FBLIM1: variants seen among roughly 807,000 people sequenced by gnomAD.
FBLIM1 encodes filamin-binding LIM protein 1.
Under a neutral mutation model 37.4 loss-of-function variants are expected in FBLIM1, and 29 were observed. The ratio of observed to expected loss-of-function variants is 0.77; its 90% CI spans 0.58 to 1.06. FBLIM1 has a LOEUF of 1.06. Among genes scored for constraint, FBLIM1 ranks in the 50% least tolerant of loss-of-function variants. The pLI is 0.00. For missense variants in FBLIM1, 449 were observed against 505.6 expected, an observed-to-expected ratio of 0.89 and a Z score of 1.07; for synonymous variants, 193 against 199.0, an observed-to-expected ratio of 0.97 and a Z score of 0.25.
At chr1:15,781,626 C>G (rs1388599827) in intron 8 of FBLIM1, among the ~76,000 whole-genome samples, 1 of 151,752 alleles carries the variant, frequency 6.6e-6, no homozygotes, top group Non-Finnish European at 1.5e-5. Context: ...ACTGCCCACA[C>G]CCACATCTCA....
At chr1:15,759,469 C>A (rs1203976839) in intron 1 of FBLIM1, among the ~76,000 whole-genome samples, 1 of 152,150 alleles carries the variant, frequency 6.6e-6, no homozygotes, top group Non-Finnish European at 1.5e-5. Context: ...CCTGAGGACC[C>A]CGGGGAGAGG....
At chr1:15,782,535 C>G (rs923560219) in intron 8 of FBLIM1, among the ~76,000 whole-genome samples, 1 of 151,994 alleles carries the variant, frequency 6.6e-6, no homozygotes, top group Admixed American at 6.6e-5. Flanking sequence ...GGTTGTGAGA[C>G]TTGGTGGTAG....
chr1:15,767,892 G>A (rs1190137851), intron 4 of FBLIM1, among the ~76,000 whole-genome samples: 1 of 151,958 alleles, frequency 6.6e-6, no homozygotes, highest in Non-Finnish European at 1.5e-5. Context: ...TTGTTTGTTT[G>A]TTTGTTTTTG....
At chr1:15,773,894 G>A (rs1364046744) in intron 6 of FBLIM1, among the ~76,000 whole-genome samples, 1 of 152,100 alleles carries the variant, frequency 6.6e-6, no homozygotes, top group East Asian at 1.9e-4. Context: ...TGTAATCCCA[G>A]CACTTTGGGA....
Position 15,786,324 on chromosome 1 carries a change from C to G in FBLIM1, c.*1663C>G. On this transcript the variant is annotated 3_prime_UTR_variant, in exon 9 of 9. Transcript: ENST00000375766. Reference sequence around the variant, plus strand: ...CACTGGGCAGGCTTCTCTGTAGAACCCCAGGGGCTTCGGCCCAGACCACAG... The same window carrying G: ...CACTGGGCAGGCTTCTCTGTAGAACGCCAGGGGCTTCGGCCCAGACCACAG... The G allele has an allele frequency of 6.6e-6, 1 of 152,130 alleles. No individual in the cohort carries two copies. Among genetic ancestry groups the G allele is most frequent in the Non-Finnish European group, 1.5e-5 (1 of 68,028 alleles). 9.4% of individuals were successfully genotyped at this position (152,130 alleles called of 1,614,324 possible).
At chr1:15,777,409 G>A in intron 8 of FBLIM1, 122 bp downstream of exon 8, 2 of 615,914 alleles carry the variant, frequency 3.2e-6, no homozygotes, top group Non-Finnish European at 5.7e-6. Context: ...TCATTGTCTA[G>A]TAGGAGAAAC....
chr1:15,765,076 G>A lies in FBLIM1; in HGVS notation c.93G>A (p.Arg31=), dbSNP rs763935863. 5.0e-5 allele frequency: 81 copies of A among 1,613,964 alleles called. 1 individual carries two copies. Among genetic ancestry groups the A allele is most frequent in the Non-Finnish European group, 5.1e-6 (6 of 1,180,000 alleles). Reference sequence around the variant, plus strand: ...ATGTGGCCGTGGCGGAGGAAGTGAGGCAGGCAGTTTGTGAGGCCCGGCGTG... The same window carrying A: ...ATGTGGCCGTGGCGGAGGAAGTGAGACAGGCAGTTTGTGAGGCCCGGCGTG... ...RRDVAVAEEV[R]QAVCEARRGR... The change falls in exon 3 of 9, where the codon AGG becomes AGA. Residue 31 remains arginine (R), a synonymous_variant. Transcript: ENST00000375766. The surrounding 1 kb of genome is among the most constrained non-coding windows in gnomAD (Gnocchi z 5.9).
chr1:15,759,111 G>A (rs1289410711), intron 1 of FBLIM1, among the ~76,000 whole-genome samples: 1 of 152,028 alleles, frequency 6.6e-6, no homozygotes, highest in African/African-American at 2.4e-5. Flanking sequence ...CCGAGTCCCA[G>A]CCCGGGAGCG....
upstream of FBLIM1, chr1:15,758,295 T>A (rs1043290431): frequency 2.0e-5 from 3 of 152,024 alleles, no homozygotes. The surrounding 1 kb of genome is among the most constrained non-coding windows in gnomAD (Gnocchi z 6.2). Flanking sequence ...CCCTGGTCGG[T>A]TTGACGCAAG....
intron 8 of FBLIM1, among the ~76,000 whole-genome samples, chr1:15,780,617 C>T (rs1365536461): frequency 6.6e-6 from 1 of 152,192 alleles, no homozygotes; most frequent in Non-Finnish European, 1.5e-5. Flanking sequence ...ACAGCTGGCT[C>T]CTTGTCACTG....
At chr1:15,782,617 GTGCCAAACAGGTGGCACAGATGGTGCAGT>G (rs2069671855) in intron 8 of FBLIM1, among the ~76,000 whole-genome samples, 1 of 152,018 alleles carries the variant, frequency 6.6e-6, no homozygotes, top group Non-Finnish European at 1.5e-5. Context: ...TGTTCTTACA[GTGCCAAACAGGTGGCACAGATGGTGCAGT>G]TGTATAGCCC....
intron 5 of FBLIM1, among the ~76,000 whole-genome samples, chr1:15,769,071 T>C (rs914024608): frequency 2.0e-5 from 3 of 152,144 alleles, no homozygotes; most frequent in Non-Finnish European, 4.4e-5. Context: ...CAAATACAAA[T>C]ATGTGTCCAC....
rs75841997 is a variant in FBLIM1 at position 15,765,541 on chromosome 1, G to A, written c.250+308G>A. 2.1e-3 allele frequency among the ~76,000 whole-genome samples: 323 copies of A among 151,994 alleles called. 2 individuals carry two copies. Among genetic ancestry groups the A allele is most frequent in the South Asian group, 0.011 (55 of 4,810 alleles). On this transcript the variant is annotated intron_variant, in intron 3 of 8. Transcript: ENST00000375766. The surrounding 1 kb of genome is among the most constrained non-coding windows in gnomAD (Gnocchi z 5.9). ...CACTGGTCAGCATGGCTGGCTGGCC[G>A]TTTCGTCTGCCAATTTAATACCCTC... is the stretch of plus-strand genomic sequence containing the variant.
chr1:15,772,187 A>T (rs2069249801), intron 6 of FBLIM1, among the ~76,000 whole-genome samples: 1 of 152,192 alleles, frequency 6.6e-6, no homozygotes. Flanking sequence ...TAGAAGTTTG[A>T]AAACGGCTGA....
chr1:15,760,736 C>A (rs2068636698), intron 1 of FBLIM1, among the ~76,000 whole-genome samples: 1 of 152,126 alleles, frequency 6.6e-6, no homozygotes, highest in South Asian at 2.1e-4. Flanking sequence ...TTCCTTTGGA[C>A]AGGAAATGAC....
intron 6 of FBLIM1, among the ~76,000 whole-genome samples, chr1:15,772,202 A>T (rs541661074): frequency 1.3e-5 from 2 of 152,196 alleles, no homozygotes; most frequent in Non-Finnish European, 2.9e-5. Context: ...GGCTGATTTG[A>T]AGGGTTAGAG....
intron 8 of FBLIM1, among the ~76,000 whole-genome samples, chr1:15,783,862 G>A (rs547806978): frequency 1.3e-5 from 2 of 152,106 alleles, no homozygotes; most frequent in Non-Finnish European, 2.9e-5. Context: ...GATTATAGGC[G>A]TGAACCACCG....
chr1:15,762,175 C>T (rs957667994), intron 1 of FBLIM1, among the ~76,000 whole-genome samples: 1 of 151,714 alleles, frequency 6.6e-6, no homozygotes, highest in Non-Finnish European at 1.5e-5. Context: ...TGCAACCTCG[C>T]CTCCCAGGAT....
intron 7 of FBLIM1, among the ~76,000 whole-genome samples, chr1:15,776,397 G>T (rs1473989999): frequency 2.0e-5 from 3 of 152,194 alleles, no homozygotes; most frequent in Admixed American, 6.5e-5. Flanking sequence ...CTCTTGGTAA[G>T]TATGCACATC....
Sources: allele counts gnomAD v4.1 joint callset (sites outside exome capture counted in the v4.1 genomes callset), GRCh38; gene constraint gnomAD v4.1.1; non-coding constraint Gnocchi (gnomAD v3.1); transcripts MANE v1.5; gene names NCBI Gene and HGNC (gene_info 2026-07-23, HGNC 2026-07-21).